The following FLT1 variants were observed in gnomAD, a reference collection of about 807,000 sequenced individuals.
FLT1 encodes vascular endothelial growth factor receptor 1.
In FLT1, 49 loss-of-function variants were observed where a neutral mutation model predicts 156.3. The ratio of observed to expected loss-of-function variants is 0.31; its 90% confidence interval spans 0.25 to 0.40. The LOEUF (loss-of-function observed/expected upper bound fraction) is 0.40. Among genes scored for constraint, FLT1 ranks in the 10% least tolerant of loss-of-function variants. The probability of loss-of-function intolerance (pLI) is 1.00; values close to 1 mark genes in which losing one functional copy is unlikely to be tolerated. For synonymous variants in FLT1, 594 were observed against 583.8 expected (o/e 1.02, Z -0.25); for missense variants, 1,322 against 1,637.2 (o/e 0.81, Z 3.32).
chr13:28,388,309 CA>C (rs1874489760), intron 13 of FLT1: 1 of 1,058,198 alleles, frequency 9.5e-7, no homozygotes, highest in African/African-American at 1.6e-5. Context: ...ACGTGAAAGA[CA>C]AGTTTAGCCG....
At chr13:28,387,866 C>G in intron 13 of FLT1, 1 of 1,054,388 alleles carries the variant, frequency 9.5e-7, no homozygotes, top group African/African-American at 1.7e-5. Flanking sequence ...AACTAATACT[C>G]TATGGAATTC....
At chr13:28,393,073 A>C (rs1874834492) in intron 12 of FLT1, among the ~76,000 whole-genome samples, 1 of 152,170 alleles carries the variant, frequency 6.6e-6, no homozygotes, top group Admixed American at 6.5e-5. Flanking sequence ...TGAAAACAAG[A>C]AATCTTCCCA....
intron 10 of FLT1, among the ~76,000 whole-genome samples, chr13:28,419,557 A>G (rs1310387022): frequency 6.6e-6 from 1 of 152,228 alleles, no homozygotes; most frequent in Non-Finnish European, 1.5e-5. Context: ...GAGAAGCTAC[A>G]CTGAATCTTG....
intron 1 of FLT1, among the ~76,000 whole-genome samples, chr13:28,492,160 TAC>T: frequency 6.6e-6 from 1 of 152,392 alleles, no homozygotes; most frequent in East Asian, 1.9e-4. Flanking sequence ...AGAGATTTAT[TAC>T]ATTCAATTTG....
rs529806676 is a variant in FLT1 at position 28,340,360 on chromosome 13, T to C, written c.2356-1060A>G. Among the ~76,000 whole-genome samples, 3 of 152,326 alleles carry C rather than the reference T, an allele frequency of 2.0e-5. No homozygotes were observed. In the South Asian group the frequency reaches 6.2e-4, roughly 32 times the overall value. ...ATCTGCCTTGAAGTGCTTTTTTATC[T>C]TGGTAATGCAAATCAAGCCCAGAAA... On this transcript the variant is annotated intron_variant, in intron 16 of 29. Transcript: ENST00000282397.
At chr13:28,398,962 A>G (rs1434065873) in intron 11 of FLT1, 2 of 929,290 alleles carry the variant, frequency 2.2e-6, no homozygotes, top group Admixed American at 4.0e-5. Context: ...TCTTATTTTG[A>G]TGATGAATCT....
At chr13:28,481,819 T>A (rs1298748822) in intron 1 of FLT1, among the ~76,000 whole-genome samples, 1 of 152,234 alleles carries the variant, frequency 6.6e-6, no homozygotes, top group Non-Finnish European at 1.5e-5. Context: ...CATCCTTTAA[T>A]ATAGGAAGTC....
At chr13:28,420,931 C>A (rs974687581) in intron 10 of FLT1, among the ~76,000 whole-genome samples, 7 of 152,112 alleles carry the variant, frequency 4.6e-5, no homozygotes, top group Admixed American at 1.3e-4. Context: ...AAGCCCCTCT[C>A]GGAAGCCCTT....
rs17625898 is a variant in FLT1 at position 28,358,693 on chromosome 13, T to A, written c.2117-1008A>T. ...TATCTGTTGAGAAGGAAAAATTAAT[T>A]CCTACCAAACACACACATTTACATT... On this transcript the variant is annotated intron_variant, in intron 14 of 29. Coordinates refer to ENST00000282397, the MANE Select transcript of FLT1 (RefSeq NM_002019.4). Among the ~76,000 whole-genome samples, 410 of 152,196 alleles carry A rather than the reference T, an allele frequency of 2.7e-3. 4 individuals are homozygous for A. Among genetic ancestry groups the A allele is most frequent in the African/African-American group, 9.2e-3 (383 of 41,494 alleles).
intron 7 of FLT1, 46 bp from the exon 8 acceptor site, chr13:28,430,213 A>C (rs1302909048): frequency 1.4e-6 from 2 of 1,422,542 alleles, no homozygotes; most frequent in Non-Finnish European, 2.0e-6. Context: ...AATAATTTCC[A>C]TAAACAAAAC....
At chr13:28,370,892 T>C (rs1873529422) in intron 14 of FLT1, among the ~76,000 whole-genome samples, 1 of 152,182 alleles carries the variant, frequency 6.6e-6, no homozygotes, top group African/African-American at 2.4e-5. Flanking sequence ...TTGTGTGTGA[T>C]GAAGTAGCGA....
At chr13:28,339,987 G>T (rs187149360) in intron 16 of FLT1, among the ~76,000 whole-genome samples, 1 of 152,252 alleles carries the variant, frequency 6.6e-6, no homozygotes, top group Admixed American at 6.5e-5. Context: ...GGCTGAGGTG[G>T]GTGGATCACC....
intron 8 of FLT1, 41 bp from the exon 9 acceptor site, chr13:28,427,962 C>T: frequency 1.3e-6 from 2 of 1,542,120 alleles, no homozygotes; most frequent in South Asian, 2.2e-5. Context: ...TTCACACGGC[C>T]TCTCAATATC....
At chr13:28,393,119 C>A (rs1383918449) in intron 12 of FLT1, among the ~76,000 whole-genome samples, 1 of 152,134 alleles carries the variant, frequency 6.6e-6, no homozygotes, top group Non-Finnish European at 1.5e-5. Flanking sequence ...GCACAGTCAT[C>A]ATCATTACCA....
At chr13:28,403,122 T>C (rs1875561697) in intron 11 of FLT1, among the ~76,000 whole-genome samples, 1 of 152,134 alleles carries the variant, frequency 6.6e-6, no homozygotes, top group Non-Finnish European at 1.5e-5. Flanking sequence ...TTCATCCTTG[T>C]AACAGGAAGT....
At chr13:28,470,591 T>A (rs1185528975) in intron 1 of FLT1, among the ~76,000 whole-genome samples, 1 of 152,212 alleles carries the variant, frequency 6.6e-6, no homozygotes, top group Non-Finnish European at 1.5e-5. Flanking sequence ...TCTTTCTTTA[T>A]CAGCAACTTA....
At chr13:28,438,410 G>T in intron 3 of FLT1, 65 bp from the exon 4 acceptor site, 1 of 1,276,134 alleles carries the variant, frequency 7.8e-7, no homozygotes, top group Non-Finnish European at 1.1e-6. Context: ...TCTAGACACT[G>T]TAGCTAGTGT....
intron 3 of FLT1, among the ~76,000 whole-genome samples, chr13:28,451,329 G>A (rs1023319945): frequency 6.6e-6 from 1 of 152,202 alleles, no homozygotes; most frequent in Non-Finnish European, 1.5e-5. Flanking sequence ...AGGCTGAGGT[G>A]GAAGAATCGC....
At chr13:28,387,272 T>A (rs144398423) in intron 13 of FLT1, 15,728 of 1,042,164 alleles carry the variant, frequency 0.015, 201 homozygotes, top group Admixed American at 0.078. Context: ...CTGAAAAATG[T>A]TCTACATTAA....
Sources: gnomAD v4.1 joint callset for allele counts (sites outside exome capture counted in the v4.1 genomes callset) on GRCh38, gnomAD v4.1.1 for gene constraint, MANE v1.5 for transcripts, NCBI Gene and HGNC (gene_info 2026-07-23, HGNC 2026-07-21) for gene names.